SLC9A2: variants seen among roughly 807,000 people sequenced by gnomAD.
SLC9A2 encodes sodium/hydrogen exchanger 2.
SLC9A2 carries 42 observed loss-of-function variants against 71.7 expected under a neutral mutation model. That is an observed-to-expected ratio of 0.59 (90% CI 0.46 to 0.76). SLC9A2 has a LOEUF of 0.76. Ranked by LOEUF, SLC9A2 falls within the 30% of genes least tolerant of loss-of-function variation. The pLI is 0.00. For synonymous variants in SLC9A2, 396 were observed against 392.5 expected (o/e 1.01, Z -0.10); for missense variants, 829 against 1,017.4 (o/e 0.81, Z 2.52).
At chr2:102,664,709 A>G (rs1435010151) in intron 2 of SLC9A2, among the ~76,000 whole-genome samples, 1 of 152,108 alleles carries the variant, frequency 6.6e-6, no homozygotes, top group Non-Finnish European at 1.5e-5. Context: ...CAGCACTGAT[A>G]AGCTTTCTCA....
chr2:102,650,254 G>C (rs1676805726), intron 1 of SLC9A2, among the ~76,000 whole-genome samples: 1 of 152,180 alleles, frequency 6.6e-6, no homozygotes, highest in Non-Finnish European at 1.5e-5. Context: ...TTGTTCATAA[G>C]TGGGAGTTGA....
chr2:102,671,575 C>G (rs774486553), intron 3 of SLC9A2, among the ~76,000 whole-genome samples: 18 of 152,122 alleles, frequency 1.2e-4, no homozygotes, highest in Non-Finnish European at 2.4e-4. Flanking sequence ...AATTATAAAC[C>G]TTAACCTAGA....
At chr2:102,669,081 A>C (rs1677196761) in intron 3 of SLC9A2, among the ~76,000 whole-genome samples, 1 of 152,240 alleles carries the variant, frequency 6.6e-6, no homozygotes, top group Non-Finnish European at 1.5e-5. Flanking sequence ...TGATGGAAGC[A>C]GTGCACCTCG....
intron 3 of SLC9A2, among the ~76,000 whole-genome samples, chr2:102,679,295 A>G (rs1677403578): frequency 1.3e-5 from 2 of 152,190 alleles, no homozygotes; most frequent in African/African-American, 4.8e-5. Context: ...TATCGTGTTA[A>G]GGATACAAAG....
intron 3 of SLC9A2, among the ~76,000 whole-genome samples, chr2:102,670,706 T>C (rs1174361564): frequency 1.3e-5 from 2 of 151,286 alleles, no homozygotes; most frequent in African/African-American, 4.9e-5. Flanking sequence ...AGGAATGAAA[T>C]CCAGGAGTAG....
chr2:102,695,777 A>T (rs1251684314), intron 7 of SLC9A2, among the ~76,000 whole-genome samples: 1 of 26,358 alleles, frequency 3.8e-5, no homozygotes, highest in Admixed American at 4.6e-4. Context: ...TATAATATAT[A>T]TTATATATAT....
chr2:102,664,584 G>A (rs1677101024), intron 2 of SLC9A2, among the ~76,000 whole-genome samples: 1 of 151,942 alleles, frequency 6.6e-6, no homozygotes. Context: ...AGTGTGGAGT[G>A]AGGAACTGGT....
intron 10 of SLC9A2, 44 bp downstream of exon 10, chr2:102,704,719 G>A (rs772796229): frequency 1.1e-5 from 18 of 1,587,802 alleles, no homozygotes; most frequent in East Asian, 2.3e-5. Context: ...GGGTGGAGCC[G>A]ACAGCTATTC....
At chr2:102,629,664 T>G (rs1222735271) in intron 1 of SLC9A2, among the ~76,000 whole-genome samples, 1 of 152,122 alleles carries the variant, frequency 6.6e-6, no homozygotes, top group African/African-American at 2.4e-5. Context: ...CTTGGTTGAT[T>G]TCTCTTTCTT....
At chr2:102,642,913 C>A (rs547596145) in intron 1 of SLC9A2, among the ~76,000 whole-genome samples, 8 of 152,148 alleles carry the variant, frequency 5.3e-5, no homozygotes, top group Non-Finnish European at 8.8e-5. Flanking sequence ...ACACAAACTG[C>A]AGTTGGTGTT....
At chr2:102,662,347 G>C (rs1255182248) in intron 2 of SLC9A2, among the ~76,000 whole-genome samples, 1 of 152,254 alleles carries the variant, frequency 6.6e-6, no homozygotes, top group Admixed American at 6.5e-5. Flanking sequence ...GCTTCCCTCA[G>C]AGAACTCTTC....
At chr2:102,635,378 T>G (rs2104504015) in intron 1 of SLC9A2, among the ~76,000 whole-genome samples, 1 of 152,350 alleles carries the variant, frequency 6.6e-6, no homozygotes, top group Non-Finnish European at 1.5e-5. Context: ...GCTCGTGAAG[T>G]TTCTGGATGA....
chr2:102,702,800 G>A (rs1677899572), intron 9 of SLC9A2, among the ~76,000 whole-genome samples: 1 of 152,160 alleles, frequency 6.6e-6, no homozygotes, highest in African/African-American at 2.4e-5. Context: ...TAAAGAAATA[G>A]TTTTATAGCT....
chr2:102,694,517 G>C lies in SLC9A2; in HGVS notation c.1515+14G>C, dbSNP rs1558722771. ...ATCTATTGTCGGGTAGGTGTTAAGA[G>C]AGTGTAATAATTTTAATGATAAAGG... is the stretch of plus-strand genomic sequence containing the variant. On this transcript the variant is annotated intron_variant, in intron 6 of 11. Transcript: ENST00000233969. The C allele has an allele frequency of 1.3e-5, 17 of 1,355,096 alleles. No individual in the cohort carries two copies. Among genetic ancestry groups the C allele is most frequent in the South Asian group, 3.0e-5 (2 of 67,282 alleles). 83.9% of individuals were successfully genotyped at this position (1,355,096 alleles called of 1,614,324 possible). A position where few individuals can be genotyped will look rare whatever the true frequency, so the allele number is the denominator to read the frequency against.
chr2:102,641,468 G>A (rs949076334), intron 1 of SLC9A2, among the ~76,000 whole-genome samples: 3 of 151,402 alleles, frequency 2.0e-5, no homozygotes, highest in South Asian at 2.1e-4. Context: ...AGTTTTGCAC[G>A]TGCCGTTCTG....
intron 10 of SLC9A2, 141 bp downstream of exon 10, chr2:102,704,816 C>A (rs1048165951): frequency 1.2e-6 from 1 of 833,768 alleles, no homozygotes; most frequent in Non-Finnish European, 1.9e-6. Flanking sequence ...CTGGGGTGGC[C>A]GGGGGAAGTG....
At chr2:102,627,148 CAACAAT>C (rs143317189) in intron 1 of SLC9A2, among the ~76,000 whole-genome samples, 61,609 of 150,836 alleles carry the variant, frequency 0.41, 13,324 homozygotes, top group East Asian at 0.65. Flanking sequence ...ACAACAACAA[CAACAAT>C]AACAACAACA....
chr2:102,659,438 C>T (rs1378515564), intron 2 of SLC9A2, among the ~76,000 whole-genome samples: 6 of 151,826 alleles, frequency 4.0e-5, no homozygotes, highest in Admixed American at 3.9e-4. Context: ...GAGACTCCAT[C>T]TCAATAATAA....
chr2:102,661,903 G>T (rs898191129), intron 2 of SLC9A2, among the ~76,000 whole-genome samples: 1 of 152,006 alleles, frequency 6.6e-6, no homozygotes, highest in Non-Finnish European at 1.5e-5. Context: ...AACACTTCTC[G>T]GCATAGATTC....
Sources: allele counts gnomAD v4.1 joint callset (sites outside exome capture counted in the v4.1 genomes callset), GRCh38; gene constraint gnomAD v4.1.1; transcripts MANE v1.5; gene names NCBI Gene and HGNC (gene_info 2026-07-23, HGNC 2026-07-21).